Variants in ZNF385D observed in about 807,000 individuals in gnomAD.
The protein encoded by ZNF385D is zinc finger protein 385D.
A neutral mutation model predicts 35.8 loss-of-function variants in ZNF385D; 15 were observed. That is an observed-to-expected ratio of 0.42 (90% CI 0.28 to 0.64). The LOEUF (loss-of-function observed/expected upper bound fraction) is 0.64. Ranked by LOEUF, ZNF385D falls within the 30% of genes least tolerant of loss-of-function variation. The pLI, the probability that ZNF385D is intolerant of heterozygous loss-of-function variation, is 0.23. For synonymous variants in ZNF385D, 212 were observed against 186.8 expected, an observed-to-expected ratio of 1.13 and a Z score of -1.10; for missense variants, 474 against 494.6, an observed-to-expected ratio of 0.96 and a Z score of 0.39.
chr3:21,552,715 C>T (rs890240037), intron 3 of ZNF385D, among the ~76,000 whole-genome samples: 1 of 152,116 alleles, frequency 6.6e-6, no homozygotes, highest in Non-Finnish European at 1.5e-5. Context: ...TCAGTTCAAA[C>T]CTAAGTCAAA....
At chr3:21,958,745 T>A (rs1314831480) in intron 3 of ZNF385D, 2 of 146,752 alleles carry the variant, frequency 1.4e-5, no homozygotes, top group African/African-American at 5.0e-5. Flanking sequence ...TATTAAGCTG[T>A]AGAGTGATGG....
chr3:21,604,725 G>A (rs930137987), intron 2 of ZNF385D, among the ~76,000 whole-genome samples: 1 of 152,136 alleles, frequency 6.6e-6, no homozygotes, highest in Admixed American at 6.5e-5. Context: ...GGTTGTAAGA[G>A]TCTGAGTGAA....
At chr3:21,744,915 G>C (rs981943214) in intron 1 of ZNF385D, among the ~76,000 whole-genome samples, 1 of 152,036 alleles carries the variant, frequency 6.6e-6, no homozygotes, top group African/African-American at 2.4e-5. Flanking sequence ...TGTTTCTCTT[G>C]TCAATGCCCG....
intron 3 of ZNF385D, among the ~76,000 whole-genome samples, chr3:21,892,442 T>C (rs1698917194): frequency 6.6e-6 from 1 of 152,160 alleles, no homozygotes; most frequent in East Asian, 1.9e-4. Flanking sequence ...TACCCTTAAC[T>C]CAATTTTGCT....
intron 1 of ZNF385D, among the ~76,000 whole-genome samples, chr3:21,739,692 A>G (rs1343048274): frequency 1.3e-5 from 2 of 152,224 alleles, no homozygotes; most frequent in Non-Finnish European, 2.9e-5. Context: ...ATGATTTAAA[A>G]GCTGCCCTCC....
intron 2 of ZNF385D, among the ~76,000 whole-genome samples, chr3:22,287,068 A>G (rs1702062035): frequency 1.3e-5 from 2 of 152,058 alleles, no homozygotes; most frequent in South Asian, 2.1e-4. Flanking sequence ...TGTTGGGTAC[A>G]TATGTATTTA....
chr3:22,102,554 C>T (rs968243439), intron 3 of ZNF385D, among the ~76,000 whole-genome samples: 1 of 151,902 alleles, frequency 6.6e-6, no homozygotes, highest in East Asian at 1.9e-4. Flanking sequence ...TCTGAGAATC[C>T]CCCAGGAAGA....
rs1210130584 is a variant in ZNF385D at position 22,046,274 on chromosome 3, T to A, written c.325+122543A>T. 2.0e-5 allele frequency among the ~76,000 whole-genome samples: 3 copies of A among 152,088 alleles called. No homozygotes were observed. The East Asian group carries it at 5.8e-4, about 29-fold the overall frequency. On this transcript the variant is annotated intron_variant, in intron 3 of 5. Coordinates refer to the ZNF385D transcript ENST00000494108. ...ACTTCTATTTTCTAAAACTGCTCAT[T>A]TTTGCTGCAGCTTCATTAACCATAT... is the stretch of plus-strand genomic sequence containing the variant.
At chr3:22,295,885 C>G (rs760681413) in intron 2 of ZNF385D, among the ~76,000 whole-genome samples, 9 of 151,956 alleles carry the variant, frequency 5.9e-5, no homozygotes, top group Non-Finnish European at 1.3e-4. Flanking sequence ...TCAAGAAGTA[C>G]AAAGGCTAAT....
intron 3 of ZNF385D, among the ~76,000 whole-genome samples, chr3:21,952,310 T>C (rs1424339580): frequency 6.6e-6 from 1 of 151,978 alleles, no homozygotes; most frequent in East Asian, 1.9e-4. Flanking sequence ...TGTTTTACTC[T>C]CTAACGTGAC....
intron 3 of ZNF385D, among the ~76,000 whole-genome samples, chr3:22,112,646 G>T (rs536264789): frequency 1.3e-5 from 2 of 152,162 alleles, no homozygotes; most frequent in Admixed American, 6.6e-5. Flanking sequence ...ATAAATAAGG[G>T]TTTGATATAT....
intron 3 of ZNF385D, among the ~76,000 whole-genome samples, chr3:21,914,736 G>A (rs541018432): frequency 6.6e-6 from 1 of 152,094 alleles, no homozygotes; most frequent in South Asian, 2.1e-4. Flanking sequence ...AGCATCTTAA[G>A]AAAGAGTTTT....
At chr3:22,259,339 T>G (rs990436594) in intron 2 of ZNF385D, among the ~76,000 whole-genome samples, 4 of 151,956 alleles carry the variant, frequency 2.6e-5, no homozygotes, top group African/African-American at 9.7e-5. Flanking sequence ...CATGAAAACA[T>G]GAATTTTATC....
chr3:21,559,431 C>G (rs990603142), intron 3 of ZNF385D, among the ~76,000 whole-genome samples: 5 of 152,050 alleles, frequency 3.3e-5, no homozygotes, highest in African/African-American at 1.2e-4. Flanking sequence ...CTTAGTTTGC[C>G]TGGATAGGAA....
chr3:21,829,712 G>C (rs1482016854), intron 3 of ZNF385D, among the ~76,000 whole-genome samples: 2 of 151,976 alleles, frequency 1.3e-5, no homozygotes, highest in African/African-American at 4.8e-5. Flanking sequence ...TCATGAATTA[G>C]GCTTTCCATG....
chr3:21,520,299 A>G (rs1707829173), intron 3 of ZNF385D, among the ~76,000 whole-genome samples: 1 of 152,230 alleles, frequency 6.6e-6, no homozygotes, highest in Non-Finnish European at 1.5e-5. Flanking sequence ...AGTGGATCTC[A>G]TAACAGAGAG....
At chr3:22,034,227 G>A (rs1698182191) in intron 3 of ZNF385D, among the ~76,000 whole-genome samples, 1 of 152,128 alleles carries the variant, frequency 6.6e-6, no homozygotes, top group Non-Finnish European at 1.5e-5. Flanking sequence ...AAGTTCTCGT[G>A]AATGAAATTA....
intron 1 of ZNF385D, among the ~76,000 whole-genome samples, chr3:21,706,502 G>C (rs1261729647): frequency 2.6e-5 from 4 of 152,190 alleles, no homozygotes; most frequent in African/African-American, 4.8e-5. Context: ...AGTGAAAATT[G>C]TAAGAGCTTT....
Position 21,843,395 on chromosome 3 carries a change from G to A in ZNF385D, c.326-178367C>T, listed in dbSNP as rs527531447. On this transcript the variant is annotated intron_variant, in intron 3 of 5. Coordinates refer to the ZNF385D transcript ENST00000494108. ...TATCCTGACCATTTGAATTATCCCTGAGGATATGTTTCAGCCTAAGAGAAA... is the reference window on the plus strand; with the variant it reads ...TATCCTGACCATTTGAATTATCCCTAAGGATATGTTTCAGCCTAAGAGAAA... Among the ~76,000 whole-genome samples, 14 of 152,054 alleles carry A rather than the reference G, an allele frequency of 9.2e-5. No individual in the cohort carries two copies. In the South Asian group the frequency reaches 2.7e-3, roughly 29 times the overall value.
Sources: gnomAD v4.1 joint callset for allele counts (sites outside exome capture counted in the v4.1 genomes callset) on GRCh38, gnomAD v4.1.1 for gene constraint, MANE v1.5 for transcripts, NCBI Gene and HGNC (gene_info 2026-07-23, HGNC 2026-07-21) for gene names.